Variants in THSD7A observed in about 807,000 individuals in gnomAD.
THSD7A encodes thrombospondin type-1 domain-containing protein 7A.
In THSD7A, 96 loss-of-function variants were observed where a neutral mutation model predicts 231.3. The observed-to-expected ratio is 0.41, with a 90% CI of 0.35 to 0.49. The LOEUF is 0.49. Among genes scored for constraint, THSD7A ranks in the 20% least tolerant of loss-of-function variants. The pLI, the probability that THSD7A is intolerant of heterozygous loss-of-function variation, is 0.05. For synonymous variants in THSD7A, 940 were observed against 743.3 expected, an observed-to-expected ratio of 1.26 and a Z score of -4.30; for missense variants, 2,290 against 2,070.2, an observed-to-expected ratio of 1.11 and a Z score of -2.06.
At position 11,373,779 on chromosome 7, in the gene THSD7A, C is replaced by G. The variant is rs546214871; in HGVS notation, c.*2015G>C. The G allele has an allele frequency of 2.0e-4, 31 of 152,032 alleles. No homozygotes were observed. Among genetic ancestry groups the G allele is most frequent in the African/African-American group, 7.2e-4 (30 of 41,504 alleles). 9.4% of individuals were successfully genotyped at this position (152,032 alleles called of 1,614,324 possible). On this transcript the variant is annotated 3_prime_UTR_variant, in exon 28 of 28. Transcript: ENST00000423059. ...ATGAAGGTAAAAATACCTTCTAATC[C>G]AAAACACTTTTACAGGAACACAGCT... is the stretch of plus-strand genomic sequence containing the variant.
At chr7:11,796,705 C>G (rs959155232) in intron 1 of THSD7A, among the ~76,000 whole-genome samples, 14 of 151,850 alleles carry the variant, frequency 9.2e-5, no homozygotes, top group African/African-American at 2.9e-4. Context: ...TACACAGTTA[C>G]TTCAAAATAA....
intron 4 of THSD7A, among the ~76,000 whole-genome samples, chr7:11,547,122 C>T (rs1789433079): frequency 6.6e-6 from 1 of 152,156 alleles, no homozygotes; most frequent in Non-Finnish European, 1.5e-5. Flanking sequence ...TTCATTACCA[C>T]CAGACCTGCC....
At position 11,543,181 on chromosome 7, in the gene THSD7A, G is replaced by T. The variant is rs111410791; in HGVS notation, c.1454-64C>A. 17 of 1,465,210 alleles carry T rather than the reference G, an allele frequency of 1.2e-5. 1 individual carries two copies. The African/African-American group carries it at 2.0e-4, about 17-fold the overall frequency. The allele number at this position is 1,465,210 out of a possible 1,614,324, so 90.8% of individuals were successfully genotyped here. A position where few individuals can be genotyped will look rare whatever the true frequency, so the allele number is the denominator to read the frequency against. On this transcript the variant is annotated intron_variant, in intron 4 of 27. Transcript: ENST00000423059. The stretch of plus-strand genomic sequence containing the variant: ...AAGGAACATATATGGCCAACAATAT[G>T]ATTTTTCTGTGTGTATGGAAAAGGA...
chr7:11,710,808 C>A (rs1200871976), intron 1 of THSD7A, among the ~76,000 whole-genome samples: 1 of 150,832 alleles, frequency 6.6e-6, no homozygotes, highest in Non-Finnish European at 1.5e-5. Context: ...CAGCTTACAT[C>A]AAAATGTAAG....
intron 1 of THSD7A, among the ~76,000 whole-genome samples, chr7:11,703,452 A>G (rs1780668561): frequency 6.6e-6 from 1 of 151,194 alleles, no homozygotes; most frequent in African/African-American, 2.4e-5. Context: ...TATAGATCCA[A>G]TGTCATAGCT....
chr7:11,578,708 A>T (rs73059865), intron 4 of THSD7A, among the ~76,000 whole-genome samples: 3,715 of 152,320 alleles, frequency 0.024, 62 homozygotes, highest in South Asian at 0.055. Context: ...AATATTCTTT[A>T]AAAGAGGAGA....
At chr7:11,631,157 T>A (rs1781639602) in intron 2 of THSD7A, among the ~76,000 whole-genome samples, 1 of 152,224 alleles carries the variant, frequency 6.6e-6, no homozygotes, top group South Asian at 2.1e-4. Context: ...GAGCCTTGGA[T>A]AAACCTTTAT....
intron 6 of THSD7A, among the ~76,000 whole-genome samples, chr7:11,532,172 A>AT (rs1788735520): frequency 6.6e-6 from 1 of 152,078 alleles, no homozygotes; most frequent in African/African-American, 2.4e-5. Flanking sequence ...CTTCATTGAC[A>AT]TCAGTGGGGC....
chr7:11,821,378 C>A, intron 1 of THSD7A: 1 of 497,102 alleles, frequency 2.0e-6, no homozygotes, highest in Non-Finnish European at 3.7e-6. Context: ...ATCTCTTCTC[C>A]CTTGCCCTGA....
At chr7:11,564,604 C>A (rs1316140411) in intron 4 of THSD7A, among the ~76,000 whole-genome samples, 1 of 152,144 alleles carries the variant, frequency 6.6e-6, no homozygotes, top group Non-Finnish European at 1.5e-5. Flanking sequence ...TCTTAGCAGA[C>A]AGAAACTCCT....
At chr7:11,414,010 T>G (rs749863461) in intron 17 of THSD7A, 5 of 152,242 alleles carry the variant, frequency 3.3e-5, no homozygotes, top group African/African-American at 4.8e-5. Context: ...ACAATATTGA[T>G]TTGAGTACTA....
At chr7:11,676,031 G>T (rs1374551640) in intron 1 of THSD7A, among the ~76,000 whole-genome samples, 2 of 152,318 alleles carry the variant, frequency 1.3e-5, no homozygotes, top group African/African-American at 4.8e-5. Flanking sequence ...CTGGAATCTG[G>T]CAGGTGCCCC....
intron 1 of THSD7A, among the ~76,000 whole-genome samples, chr7:11,661,625 A>G (rs1782934082): frequency 6.6e-6 from 1 of 151,302 alleles, no homozygotes; most frequent in African/African-American, 2.4e-5. Flanking sequence ...CAATTCAAAA[A>G]TATACAGAAT....
At chr7:11,806,526 G>A (rs1474326050) in intron 1 of THSD7A, among the ~76,000 whole-genome samples, 1 of 152,112 alleles carries the variant, frequency 6.6e-6, no homozygotes, top group East Asian at 1.9e-4. Flanking sequence ...AAATAAAAAG[G>A]CAGGAGTATT....
intron 4 of THSD7A, among the ~76,000 whole-genome samples, chr7:11,576,109 A>C (rs1790892013): frequency 6.6e-6 from 1 of 152,196 alleles, no homozygotes. Flanking sequence ...AATTCACAGA[A>C]TCTTATGATA....
intron 1 of THSD7A, among the ~76,000 whole-genome samples, chr7:11,647,791 G>T (rs1782338987): frequency 6.6e-6 from 1 of 152,044 alleles, no homozygotes; most frequent in Non-Finnish European, 1.5e-5. Context: ...TTGGCTGACT[G>T]CTTCTTACAG....
In THSD7A at chr7:11,655,620, G is replaced by T. The variant is rs565029358; in HGVS notation, c.191-18659C>A. Among the ~76,000 whole-genome samples, 4 of 151,874 alleles carry T rather than the reference G, an allele frequency of 2.6e-5. No homozygotes were observed. In the South Asian group the frequency reaches 8.3e-4, roughly 31 times the overall value. ...ATGTCATAGAACAATTTGAAAACTA[G>T]TAAAGAAAATAAAACAGAGTAGACA... On this transcript the variant is annotated intron_variant, in intron 1 of 27. Transcript: ENST00000423059.
intron 6 of THSD7A, among the ~76,000 whole-genome samples, chr7:11,521,852 AC>A (rs1788281220): frequency 6.6e-6 from 1 of 151,910 alleles, no homozygotes; most frequent in Non-Finnish European, 1.5e-5. Context: ...TGCCTTCAAT[AC>A]AGGCACCATT....
At chr7:11,563,680 A>G (rs1363110495) in intron 4 of THSD7A, among the ~76,000 whole-genome samples, 1 of 152,152 alleles carries the variant, frequency 6.6e-6, no homozygotes, top group African/African-American at 2.4e-5. Context: ...ATGGTTTTTG[A>G]TTAGTCTTTT....
Sources: allele counts gnomAD v4.1 joint callset (sites outside exome capture counted in the v4.1 genomes callset), GRCh38; gene constraint gnomAD v4.1.1; transcripts MANE v1.5; gene names NCBI Gene and HGNC (gene_info 2026-07-23, HGNC 2026-07-21).